The following AP4S1 variants were observed in gnomAD, a reference collection of about 807,000 sequenced individuals.
The protein encoded by AP4S1 is AP-4 complex subunit sigma-1.
A neutral mutation model predicts 19.8 loss-of-function variants in AP4S1; 23 were observed. That is an observed-to-expected ratio of 1.16 (90% CI 0.84 to 1.65). The LOEUF is 1.65. AP4S1 is among the 40% of genes most tolerant of loss of function. AP4S1 has a pLI of 0.00. For missense variants in AP4S1, 166 were observed against 172.8 expected (o/e 0.96, Z 0.22); for synonymous variants, 46 against 54.1 (o/e 0.85, Z 0.66).
chr14:31,060,073 T>TTA (rs1235445211), intron 1 of AP4S1, among the ~76,000 whole-genome samples: 2 of 148,370 alleles, frequency 1.3e-5, no homozygotes, highest in Non-Finnish European at 3.0e-5. Flanking sequence ...ATATATATTT[T>TTA]TATATATATA....
intron 4 of AP4S1, among the ~76,000 whole-genome samples, chr14:31,073,471 CA>C (rs1566538868): frequency 1.4e-5 from 2 of 147,722 alleles, no homozygotes; most frequent in East Asian, 4.0e-4. Flanking sequence ...GCCTGGGCAA[CA>C]GAGCGAGACT....
Position 31,028,340 on chromosome 14 carries a change from G to A in AP4S1, c.-72+2553G>A, listed in dbSNP as rs553774491. On this transcript the variant is annotated intron_variant, in intron 1 of 5. Coordinates refer to ENST00000542754, the MANE Select transcript of AP4S1 (RefSeq NM_001128126.3). Reference sequence around the variant, plus strand: ...TCCAGGTGTGCATCCACCAAGCCCAGCTAATTTTTGTATTTTTTGTAGAGA... The same window carrying A: ...TCCAGGTGTGCATCCACCAAGCCCAACTAATTTTTGTATTTTTTGTAGAGA... 7.2e-5 allele frequency among the ~76,000 whole-genome samples: 11 copies of A among 152,100 alleles called. No individual in the cohort carries two copies. In the East Asian group the frequency reaches 1.7e-3, roughly 24 times the overall value.
chr14:31,068,204 G>C (rs938213414), intron 2 of AP4S1, among the ~76,000 whole-genome samples: 1 of 152,202 alleles, frequency 6.6e-6, no homozygotes, highest in Non-Finnish European at 1.5e-5. Context: ...TTTATTTAAA[G>C]AATTACTTAA....
intron 1 of AP4S1, among the ~76,000 whole-genome samples, chr14:31,056,002 C>T (rs1431575069): frequency 6.6e-6 from 1 of 151,684 alleles, no homozygotes; most frequent in Non-Finnish European, 1.5e-5. Context: ...CACCACCATG[C>T]CAGGCTAATT....
intron 1 of AP4S1, among the ~76,000 whole-genome samples, chr14:31,059,612 C>G (rs574875174): frequency 1.3e-5 from 2 of 152,038 alleles, no homozygotes; most frequent in Non-Finnish European, 1.5e-5. Flanking sequence ...GGTAACCTGC[C>G]GTAATTTACT....
At chr14:31,068,463 A>T (rs1483437323) in intron 2 of AP4S1, among the ~76,000 whole-genome samples, 1 of 152,246 alleles carries the variant, frequency 6.6e-6, no homozygotes. Flanking sequence ...TTCCTCTTTG[A>T]ATTACTACTT....
chr14:31,058,416 C>T (rs942628035), intron 1 of AP4S1, among the ~76,000 whole-genome samples: 1 of 151,972 alleles, frequency 6.6e-6, no homozygotes, highest in Non-Finnish European at 1.5e-5. Flanking sequence ...GTGAAGTTGC[C>T]TTCTTTCTTC....
chr14:31,087,073 A>T (rs560356238), intron 5 of AP4S1, among the ~76,000 whole-genome samples: 16 of 152,228 alleles, frequency 1.1e-4, no homozygotes, highest in South Asian at 2.1e-4. Flanking sequence ...ATTTAAAAAA[A>T]TTTTTTAAAA....
intron 4 of AP4S1, among the ~76,000 whole-genome samples, chr14:31,078,284 G>C (rs1887472103): frequency 6.6e-6 from 1 of 152,212 alleles, no homozygotes; most frequent in Non-Finnish European, 1.5e-5. Context: ...GCAGAGATAG[G>C]AATGTTCTGT....
intron 1 of AP4S1, chr14:31,032,943 G>A (rs1884492792): frequency 6.6e-6 from 1 of 152,092 alleles, no homozygotes; most frequent in Admixed American, 6.6e-5. Flanking sequence ...ATCTGCAAAG[G>A]CTATAACAAA....
chr14:31,038,799 T>C (rs1462656306), intron 1 of AP4S1, among the ~76,000 whole-genome samples: 1 of 152,218 alleles, frequency 6.6e-6, no homozygotes. Flanking sequence ...TGGCACCTAA[T>C]GAGCACTGTA....
At chr14:31,059,139 G>T (rs1474277843) in intron 1 of AP4S1, among the ~76,000 whole-genome samples, 1 of 152,164 alleles carries the variant, frequency 6.6e-6, no homozygotes, top group Non-Finnish European at 1.5e-5. Flanking sequence ...ATAGTTTACA[G>T]TTGTGTTTCT....
At chr14:31,027,301 C>T (rs1254102114) in intron 1 of AP4S1, 5 of 152,036 alleles carry the variant, frequency 3.3e-5, no homozygotes, top group African/African-American at 1.2e-4. Flanking sequence ...TTGATCGAAA[C>T]AGAAAATAAA....
intron 5 of AP4S1, among the ~76,000 whole-genome samples, chr14:31,081,518 C>T (rs573304617): frequency 6.6e-6 from 1 of 152,120 alleles, no homozygotes; most frequent in African/African-American, 2.4e-5. Flanking sequence ...GCCCTCCAGG[C>T]TTTGTGCGAG....
chr14:31,080,953 A>G (rs943600894), intron 5 of AP4S1, among the ~76,000 whole-genome samples: 2 of 151,974 alleles, frequency 1.3e-5, no homozygotes, highest in African/African-American at 4.8e-5. Context: ...CACCACGCCC[A>G]GCTAATGTTT....
At chr14:31,070,151 C>T (rs1335635550) in intron 3 of AP4S1, among the ~76,000 whole-genome samples, 2 of 151,974 alleles carry the variant, frequency 1.3e-5, no homozygotes, top group African/African-American at 4.8e-5. Context: ...TGTGCCACCA[C>T]ACCCGGCTAA....
Position 31,049,428 on chromosome 14 carries a change from AATATATATAT to A in AP4S1, c.-71-16673_-71-16664del, listed in dbSNP as rs1182207910. 2.5e-3 allele frequency among the ~76,000 whole-genome samples: 145 copies of A among 57,720 alleles called. 3 individuals are homozygous for A. The highest frequency in any genetic ancestry group is 5.4e-3 in the African/African-American group (68 of 12,636). The allele number at this position is 57,720 out of a possible 152,430, so 37.9% of individuals were successfully genotyped here. On this transcript the variant is annotated intron_variant, in intron 1 of 5. Transcript: ENST00000542754. ...GACTCGGTCTCAAAAAAAAAAAAAA[AATATATATAT>A]ATATATATATATATATATATATATG...
At chr14:31,048,655 C>T (rs986861594) in intron 1 of AP4S1, among the ~76,000 whole-genome samples, 1 of 152,058 alleles carries the variant, frequency 6.6e-6, no homozygotes, top group East Asian at 2.0e-4. Context: ...AGGAGAATCA[C>T]ATGACCTCAA....
At chr14:31,048,487 G>C in intron 1 of AP4S1, among the ~76,000 whole-genome samples, 1 of 152,100 alleles carries the variant, frequency 6.6e-6, no homozygotes, top group East Asian at 1.9e-4. Context: ...CCAGCACTTT[G>C]GGAGGCTGAA....
Sources: gnomAD v4.1 joint callset for allele counts (sites outside exome capture counted in the v4.1 genomes callset) on GRCh38, gnomAD v4.1.1 for gene constraint, MANE v1.5 for transcripts, NCBI Gene and HGNC (gene_info 2026-07-23, HGNC 2026-07-21) for gene names.